CCSER1: variants seen among roughly 807,000 people sequenced by gnomAD.
The protein encoded by CCSER1 is coiled-coil serine rich protein 1, also known as serine-rich coiled-coil domain-containing protein 1.
A neutral mutation model predicts 82.0 loss-of-function variants in CCSER1; 41 were observed. That is an observed-to-expected ratio of 0.50 (90% CI 0.39 to 0.65). The LOEUF (loss-of-function observed/expected upper bound fraction) is 0.65, where lower values mean the gene tolerates loss of function less well. Ranked by LOEUF, CCSER1 falls within the 30% of genes least tolerant of loss-of-function variation. The probability of loss-of-function intolerance (pLI) is 0.00; values close to 1 mark genes in which losing one functional copy is unlikely to be tolerated. For missense variants in CCSER1, 1,119 were observed against 1,064.2 expected (o/e 1.05, Z -0.72); for synonymous variants, 414 against 383.9 (o/e 1.08, Z -0.92).
intron 1 of CCSER1, among the ~76,000 whole-genome samples, chr4:90,256,428 A>G (rs892933183): frequency 6.6e-6 from 1 of 152,148 alleles, no homozygotes; most frequent in Admixed American, 6.5e-5. Context: ...TTCAAATCGG[A>G]GAAACTAACT....
intron 9 of CCSER1, among the ~76,000 whole-genome samples, chr4:91,037,936 T>A (rs1033209274): frequency 3.9e-5 from 6 of 152,142 alleles, no homozygotes; most frequent in African/African-American, 1.4e-4. Flanking sequence ...ATGAAAAATT[T>A]TTTTTCTTAA....
chr4:90,637,302 A>G (rs1490809634), intron 6 of CCSER1, among the ~76,000 whole-genome samples: 4 of 152,072 alleles, frequency 2.6e-5, no homozygotes, highest in South Asian at 2.1e-4. Context: ...TCGCTGGTCA[A>G]CATGGCAGTT....
intron 5 of CCSER1, among the ~76,000 whole-genome samples, chr4:90,509,514 T>A (rs78388761): frequency 2.6e-5 from 4 of 151,788 alleles, no homozygotes; most frequent in Non-Finnish European, 5.9e-5. Context: ...ATTGCAATCA[T>A]TTTTTTTATA....
At chr4:91,414,454 CA>C (rs1259639366) in intron 10 of CCSER1, among the ~76,000 whole-genome samples, 4 of 151,798 alleles carry the variant, frequency 2.6e-5, no homozygotes, top group Non-Finnish European at 4.4e-5. Flanking sequence ...CATATCATTT[CA>C]AAAAAATTCA....
chr4:90,250,088 G>T (rs1360113750), intron 1 of CCSER1, among the ~76,000 whole-genome samples: 1 of 151,842 alleles, frequency 6.6e-6, no homozygotes, highest in African/African-American at 2.4e-5. Flanking sequence ...TAAAAAAATT[G>T]GGTTGTATTT....
intron 10 of CCSER1, among the ~76,000 whole-genome samples, chr4:91,441,726 T>A (rs536045653): frequency 1.3e-5 from 2 of 152,042 alleles, no homozygotes; most frequent in African/African-American, 2.4e-5. Flanking sequence ...AAAACCCCAT[T>A]GTCTCAGCCC....
chr4:90,956,036 G>C (rs1284626532), intron 9 of CCSER1, among the ~76,000 whole-genome samples: 1 of 152,020 alleles, frequency 6.6e-6, no homozygotes, highest in African/African-American at 2.4e-5. Context: ...TCTGGGCCAA[G>C]AATCTCTCAC....
At chr4:90,595,842 G>T (rs1470541392) in intron 5 of CCSER1, among the ~76,000 whole-genome samples, 1 of 151,768 alleles carries the variant, frequency 6.6e-6, no homozygotes, top group African/African-American at 2.4e-5. Context: ...ATTATTTTTT[G>T]ATTAGACTTG....
At chr4:91,085,724 C>T (rs1723315131) in intron 9 of CCSER1, among the ~76,000 whole-genome samples, 1 of 152,012 alleles carries the variant, frequency 6.6e-6, no homozygotes, top group South Asian at 2.1e-4. Flanking sequence ...TTTATTTTTA[C>T]TTATGATGTA....
At chr4:90,929,035 T>C (rs1243060167) in intron 9 of CCSER1, among the ~76,000 whole-genome samples, 1 of 152,068 alleles carries the variant, frequency 6.6e-6, no homozygotes, top group African/African-American at 2.4e-5. Context: ...TACATTTGCT[T>C]CTCCTCTTTC....
intron 10 of CCSER1, among the ~76,000 whole-genome samples, chr4:91,381,503 A>G (rs935103360): frequency 5.9e-5 from 9 of 152,092 alleles, no homozygotes; most frequent in African/African-American, 2.2e-4. Flanking sequence ...TTGATCTTCA[A>G]TCACTGATAC....
rs560804092 is a variant in CCSER1 at position 90,691,681 on chromosome 4, G to A, written c.1933-32233G>A. 1.2e-4 allele frequency among the ~76,000 whole-genome samples: 17 copies of A among 140,794 alleles called. No individual in the cohort carries two copies. The South Asian group carries it at 3.4e-3, about 28-fold the overall frequency. 92.4% of individuals were successfully genotyped at this position (140,794 alleles called of 152,430 possible). A position where few individuals can be genotyped will look rare whatever the true frequency, so the allele number is the denominator to read the frequency against. On this transcript the variant is annotated intron_variant, in intron 6 of 10. Transcript: ENST00000509176. ...CATGCATATGTACGTGTGTATCTAT[G>A]TGTATATATATACACACATATATGT...
chr4:91,399,666 T>G (rs1162885934), intron 10 of CCSER1, among the ~76,000 whole-genome samples: 1 of 151,956 alleles, frequency 6.6e-6, no homozygotes, highest in Non-Finnish European at 1.5e-5. Flanking sequence ...TTAACATCTC[T>G]TTGTGGTGTT....
intron 10 of CCSER1, among the ~76,000 whole-genome samples, chr4:91,225,307 A>T (rs1738075093): frequency 7.9e-6 from 1 of 127,386 alleles, no homozygotes; most frequent in African/African-American, 3.3e-5. Context: ...TATATATATT[A>T]TATATGTAAT....
At chr4:91,443,534 T>C (rs1755345978) in intron 10 of CCSER1, among the ~76,000 whole-genome samples, 1 of 146,722 alleles carries the variant, frequency 6.8e-6, no homozygotes, top group African/African-American at 2.5e-5. Flanking sequence ...GGGATAGCAT[T>C]AGGAGATATA....
intron 1 of CCSER1, among the ~76,000 whole-genome samples, chr4:90,203,536 T>C (rs548367715): frequency 6.6e-6 from 1 of 152,328 alleles, no homozygotes; most frequent in African/African-American, 2.4e-5. Context: ...TCATCCTTTT[T>C]ATGGCTGCAT....
chr4:91,465,155 C>T (rs1286839815), intron 10 of CCSER1, among the ~76,000 whole-genome samples: 4 of 152,216 alleles, frequency 2.6e-5, no homozygotes, highest in African/African-American at 9.7e-5. Flanking sequence ...AACAAACTGT[C>T]TCTCAGATGA....
chr4:90,860,662 G>A (rs1159658002), intron 8 of CCSER1, among the ~76,000 whole-genome samples: 1 of 151,396 alleles, frequency 6.6e-6, no homozygotes, highest in Non-Finnish European at 1.5e-5. Context: ...TTAAAAATAT[G>A]GTATATTCAT....
At chr4:90,600,255 A>T (rs1030449729) in intron 5 of CCSER1, among the ~76,000 whole-genome samples, 7 of 152,174 alleles carry the variant, frequency 4.6e-5, no homozygotes, top group African/African-American at 1.7e-4. Context: ...ACAGGTTTAA[A>T]TATTTAGGAG....
Sources: allele counts gnomAD v4.1 joint callset (sites outside exome capture counted in the v4.1 genomes callset), GRCh38; gene constraint gnomAD v4.1.1; transcripts MANE v1.5; gene names NCBI Gene and HGNC (gene_info 2026-07-23, HGNC 2026-07-21).